Variants in SYCP2 observed in about 807,000 individuals in gnomAD.
SYCP2 encodes the protein synaptonemal complex protein 2, also known as synaptonemal complex lateral element protein.
A neutral mutation model predicts 211.3 loss-of-function variants in SYCP2; 55 were observed. The observed-to-expected ratio is 0.26, with a 90% CI of 0.21 to 0.33. The LOEUF is 0.33. Ranked by LOEUF, SYCP2 falls within the 10% of genes least tolerant of loss-of-function variation. The pLI is 1.00. For missense variants in SYCP2, 1,731 were observed against 1,752.0 expected, an observed-to-expected ratio of 0.99 and a Z score of 0.21; for synonymous variants, 570 against 555.2, an observed-to-expected ratio of 1.03 and a Z score of -0.37.
Position 59,869,928 on chromosome 20 carries a change from G to T in SYCP2, c.3611C>A (p.Ser1204Tyr), listed in dbSNP as rs369785647. 5.4e-5 allele frequency: 87 copies of T among 1,605,596 alleles called. No individual in the cohort carries two copies. The highest frequency in any genetic ancestry group is 4.0e-4 in the South Asian group (36 of 90,618). The stretch of plus-strand genomic sequence containing the variant: ...TTGTGTTTCTTGTGTAAGTACCAGA[G>T]AACTTATTTTTTTTCTATTTACAAT... ...NTIVNRKKIS[S>Y]LVLTQETQNS... The change falls in exon 36 of 45, where the codon TCT becomes TAT. Residue 1204 changes from serine to tyrosine, a missense_variant. Transcript: ENST00000357552.
chr20:59,864,942 T>G (rs1049974313), intron 44 of SYCP2, among the ~76,000 whole-genome samples: 2 of 151,996 alleles, frequency 1.3e-5, no homozygotes, highest in Admixed American at 1.3e-4. Flanking sequence ...CAGCTGCTGG[T>G]CTACTAGGCC....
chr20:59,905,153 T>A (rs2060190603), intron 15 of SYCP2, among the ~76,000 whole-genome samples: 1 of 152,166 alleles, frequency 6.6e-6, no homozygotes, highest in East Asian at 1.9e-4. Flanking sequence ...TCTTATAAAC[T>A]GATAGTGAAA....
intron 25 of SYCP2, 55 bp from the exon 26 acceptor site, chr20:59,886,019 A>G: frequency 7.5e-7 from 1 of 1,336,816 alleles, no homozygotes; most frequent in Admixed American, 2.1e-5. Flanking sequence ...CAATATCATA[A>G]AAGTCATTTT....
intron 8 of SYCP2, among the ~76,000 whole-genome samples, 189 bp downstream of exon 8, chr20:59,916,297 A>G (rs1327739979): frequency 6.6e-6 from 1 of 152,210 alleles, no homozygotes; most frequent in East Asian, 1.9e-4. Flanking sequence ...AGCTATATGC[A>G]CACATAAACC....
chr20:59,888,464 A>G (rs1203065458), intron 24 of SYCP2, among the ~76,000 whole-genome samples: 1 of 151,974 alleles, frequency 6.6e-6, no homozygotes. Context: ...ACGATAAAAA[A>G]CCCTTAGCAA....
chr20:59,923,603 TG>T, intron 2 of SYCP2, among the ~76,000 whole-genome samples: 1 of 151,804 alleles, frequency 6.6e-6, no homozygotes, highest in East Asian at 1.9e-4. Flanking sequence ...CTCTGGAGGC[TG>T]GGGTGAGAAA....
chr20:59,882,993 A>T (rs1180238317), intron 26 of SYCP2, among the ~76,000 whole-genome samples: 2 of 152,142 alleles, frequency 1.3e-5, no homozygotes, highest in African/African-American at 4.8e-5. Context: ...CATTTGTAAC[A>T]TTCTCCTTAA....
rs1201293283 is a variant in SYCP2, at chr20:59,932,136, T to A, written c.-121A>T. 2 of 151,050 alleles carry A rather than the reference T, an allele frequency of 1.3e-5. No homozygotes were observed. The highest frequency in any genetic ancestry group is 6.6e-5 in the Admixed American group (1 of 15,230). 9.4% of individuals were successfully genotyped at this position (151,050 alleles called of 1,614,324 possible). ...GTTAGCGAGCAACACAGAGAACTAG[T>A]AAGATGATGATTGTGTATCTGCAGG... On this transcript the variant is annotated 5_prime_UTR_variant, in exon 2 of 45. Coordinates refer to ENST00000357552, the MANE Select transcript of SYCP2 (RefSeq NM_014258.4).
chr20:59,914,990 TA>T (rs1478329929), intron 10 of SYCP2, among the ~76,000 whole-genome samples, 174 bp downstream of exon 10: 6 of 152,044 alleles, frequency 3.9e-5, no homozygotes, highest in African/African-American at 1.4e-4. Context: ...CCTACTGTCA[TA>T]AATTATTTTT....
chr20:59,911,772 A>T lies in SYCP2; in HGVS notation c.950T>A (p.Phe317Tyr), dbSNP rs548993843. The T allele has an allele frequency of 1.3e-5, 20 of 1,584,018 alleles. No homozygotes were observed. The highest frequency in any genetic ancestry group is 1.7e-5 in the Non-Finnish European group (20 of 1,160,278). ...DFNLGSQTLSFYIAGDNDDHQ... is the reference protein window; with the variant it reads ...DFNLGSQTLSYYIAGDNDDHQ... ...TACATCATTATCTCCAGCAATGTAG[A>T]ATGAGAGAGTCTGACTCCCAAGATT... The change falls in exon 14 of 45, where the codon TTC becomes TAC. Residue 317 changes from phenylalanine (F) to tyrosine (Y), a missense_variant. Transcript: ENST00000357552.
chr20:59,921,551 T>C, intron 3 of SYCP2, 98 bp from the exon 4 acceptor site: 1 of 741,148 alleles, frequency 1.3e-6, no homozygotes, highest in Non-Finnish European at 1.9e-6. Flanking sequence ...ATGAAAACTC[T>C]CAAATGAACT....
intron 14 of SYCP2, among the ~76,000 whole-genome samples, chr20:59,909,400 C>T (rs1309099222): frequency 6.6e-6 from 1 of 152,122 alleles, no homozygotes; most frequent in African/African-American, 2.4e-5. Context: ...CCATCCATGC[C>T]CATCGTTATA....
chr20:59,884,323 G>A (rs1432671277), intron 26 of SYCP2, among the ~76,000 whole-genome samples: 1 of 151,856 alleles, frequency 6.6e-6, no homozygotes, highest in African/African-American at 2.4e-5. Context: ...AAAAATATGT[G>A]TTAAATTATT....
intron 24 of SYCP2, among the ~76,000 whole-genome samples, chr20:59,891,363 C>T (rs2059902024): frequency 6.6e-6 from 1 of 151,738 alleles, no homozygotes; most frequent in South Asian, 2.1e-4. Context: ...TATTTTCTTC[C>T]CTGGAAGTCT....
At chr20:59,878,091 T>A in intron 31 of SYCP2, 46 bp from the exon 32 acceptor site, 1 of 1,263,052 alleles carries the variant, frequency 7.9e-7, no homozygotes, top group African/African-American at 1.5e-5. Context: ...TAAATAAGAA[T>A]AGGCATTAAA....
chr20:59,924,761 A>C (rs1167869213), intron 2 of SYCP2, among the ~76,000 whole-genome samples: 1 of 152,030 alleles, frequency 6.6e-6, no homozygotes, highest in East Asian at 1.9e-4. Flanking sequence ...CAAACAAAAG[A>C]AAGCTAATAA....
At chr20:59,925,527 T>C (rs2060618509) in intron 2 of SYCP2, among the ~76,000 whole-genome samples, 1 of 152,112 alleles carries the variant, frequency 6.6e-6, no homozygotes, top group Non-Finnish European at 1.5e-5. Context: ...CTAAGTTATC[T>C]GGTTATCAGT....
At position 59,865,561 on chromosome 20, in the gene SYCP2, T is replaced by G; in HGVS notation, c.4458+12A>C. 1 of 1,593,908 alleles carries G rather than the reference T, an allele frequency of 6.3e-7. No homozygotes were observed. The highest frequency in any genetic ancestry group is 8.5e-7 in the Non-Finnish European group (1 of 1,169,684). On this transcript the variant is annotated intron_variant, in intron 43 of 44. Transcript: ENST00000357552. ...CAAGAGAGGTAACCTATAAAAAGCA[T>G]AAAATTTATACCTCGGATGTAAAAA...
chr20:59,868,256 A>G (rs950748249), intron 38 of SYCP2, among the ~76,000 whole-genome samples, 157 bp downstream of exon 38: 1 of 151,806 alleles, frequency 6.6e-6, no homozygotes, highest in African/African-American at 2.4e-5. Context: ...TACTACAACA[A>G]TTATTCATAT....
Sources: gnomAD v4.1 joint callset for allele counts (sites outside exome capture counted in the v4.1 genomes callset) on GRCh38, gnomAD v4.1.1 for gene constraint, MANE v1.5 for transcripts, NCBI Gene and HGNC (gene_info 2026-07-23, HGNC 2026-07-21) for gene names.